LAT2: variants seen among roughly 807,000 people sequenced by gnomAD.
The protein encoded by LAT2 is linker for activation of T cells family member 2, also known as linker for activation of T-cells family member 2.
Under a neutral mutation model 43.4 loss-of-function variants are expected in LAT2, and 23 were observed. The observed-to-expected ratio is 0.53, with a 90% CI of 0.38 to 0.75. The LOEUF is 0.75. Ranked by LOEUF, LAT2 falls within the 30% of genes least tolerant of loss-of-function variation. The pLI is 0.00. For synonymous variants in LAT2, 128 were observed against 123.2 expected (o/e 1.04, Z -0.26); for missense variants, 284 against 310.2 (o/e 0.92, Z 0.64).
At chr7:74,211,260 GGAGACA>G (rs1401754139) in intron 1 of LAT2, among the ~76,000 whole-genome samples, 1 of 152,158 alleles carries the variant, frequency 6.6e-6, no homozygotes, top group African/African-American at 2.4e-5. Flanking sequence ...AGACACAAAG[GGAGACA>G]GAGACAGAGA....
intron 1 of LAT2, among the ~76,000 whole-genome samples, chr7:74,212,808 G>C (rs1474405145): frequency 2.0e-5 from 3 of 152,236 alleles, no homozygotes; most frequent in Non-Finnish European, 4.4e-5. Flanking sequence ...AGAGAGCAGA[G>C]CTTTCCTCGG....
At chr7:74,219,645 G>A in intron 4 of LAT2, 99 bp from the exon 5 acceptor site, 3 of 1,455,256 alleles carry the variant, frequency 2.1e-6, no homozygotes, top group Admixed American at 3.3e-5. Flanking sequence ...CCGTCCCTCT[G>A]CTTTCCCTCC....
intron 1 of LAT2, 110 bp from the exon 2 acceptor site, chr7:74,214,710 AAT>A (rs1165640318): frequency 4.0e-5 from 4 of 100,938 alleles, no homozygotes; most frequent in South Asian, 2.7e-4. Context: ...AATATATATA[AAT>A]ATATATAAAA....
chr7:74,216,425 GCAGTGATGCAATCTTGGCT>G (rs1330660448), intron 3 of LAT2, among the ~76,000 whole-genome samples: 1 of 152,118 alleles, frequency 6.6e-6, no homozygotes, highest in Non-Finnish European at 1.5e-5. Flanking sequence ...AGGCTGGAGG[GCAGTGATGCAATCTTGGCT>G]CACTGTAACA....
In LAT2 at chr7:74,223,706, C is replaced by A. The variant is rs781808700; in HGVS notation, c.389-18C>A. ...GGGTCTGCCCACACCCCCGTGCCCA[C>A]TCCTCTCTCTCCTGCAGATGATGAT... is the stretch of plus-strand genomic sequence containing the variant. On this transcript the variant is annotated intron_variant, in intron 10 of 13. Transcript: ENST00000460943. 2.4e-5 allele frequency: 38 copies of A among 1,612,426 alleles called. No individual in the cohort carries two copies. The highest frequency in any genetic ancestry group is 3.1e-5 in the Non-Finnish European group (37 of 1,178,538).
At chr7:74,212,128 A>T (rs1801754796) in intron 1 of LAT2, among the ~76,000 whole-genome samples, 1 of 151,798 alleles carries the variant, frequency 6.6e-6, no homozygotes, top group Admixed American at 6.6e-5. Flanking sequence ...ATTTTTTTGT[A>T]GAGACAGGGC....
In LAT2 at chr7:74,227,996, G is replaced by A. The variant is rs1455153122; in HGVS notation, c.*19-948G>A. On this transcript the variant is annotated intron_variant, in intron 13 of 13. Transcript: ENST00000460943. ...TTCGAGACCATCCTGGGCAACATGG[G>A]GAAACCCCATCTCTACTAAAAATAC... Among the ~76,000 whole-genome samples the A allele has an allele frequency of 4.9e-5, 7 of 143,872 alleles. No homozygotes were observed. In the East Asian group the frequency reaches 8.6e-4, roughly 18 times the overall value. 94.4% of individuals were successfully genotyped at this position (143,872 alleles called of 152,430 possible).
In LAT2 at chr7:74,221,618, T is replaced by C; in HGVS notation, c.333-19T>C. ...CCAGCCTGCCCTGAAACCTGTGTTG[T>C]ATATGTTTTCTTGGCCAGAGACCCC... On this transcript the variant is annotated intron_variant, in intron 9 of 13. Coordinates refer to ENST00000460943, the MANE Select transcript of LAT2 (RefSeq NM_032464.3). 6.2e-7 allele frequency: 1 copy of C among 1,609,366 alleles called. No homozygotes were observed. Among genetic ancestry groups the C allele is most frequent in the Admixed American group, 1.7e-5 (1 of 59,834 alleles).
chr7:74,224,403 T>C (rs116467219), intron 12 of LAT2, among the ~76,000 whole-genome samples: 5,125 of 152,254 alleles, frequency 0.034, 303 homozygotes, highest in African/African-American at 0.11. Flanking sequence ...GGTCAGGTCC[T>C]CCCGGGCAGG....
At position 74,220,442 on chromosome 7, in the gene LAT2, G is replaced by C; in HGVS notation, c.266-142G>C. The C allele has an allele frequency of 1.6e-6, 2 of 1,244,034 alleles. No individual in the cohort carries two copies. Among genetic ancestry groups the C allele is most frequent in the Admixed American group, 2.0e-5 (1 of 51,054 alleles). The allele number at this position is 1,244,034 out of a possible 1,614,324, so 77.1% of individuals were successfully genotyped here. On this transcript the variant is annotated intron_variant, in intron 7 of 13. Coordinates refer to ENST00000460943, the MANE Select transcript of LAT2 (RefSeq NM_032464.3). This position sits in a 1 kb window ranked among gnomAD's most constrained non-coding sequence, Gnocchi z 4.5. Reference sequence around the variant, plus strand: ...CCTGGCAGGGGGAGGGTGCACACTCGCACATGCCCCACTGAGGGGACAGGG... The same window carrying C: ...CCTGGCAGGGGGAGGGTGCACACTCCCACATGCCCCACTGAGGGGACAGGG...
rs546127636 is a variant in LAT2, at chr7:74,221,040, G to C, written c.332+306G>C. On this transcript the variant is annotated intron_variant, in intron 9 of 13. Transcript: ENST00000460943. Reference sequence around the variant, plus strand: ...TTCAGCATCACCCAGTCAAAGACAAGCTACAGGACACCCAGAATCCCTCGG... The same window carrying C: ...TTCAGCATCACCCAGTCAAAGACAACCTACAGGACACCCAGAATCCCTCGG... 2.6e-5 allele frequency among the ~76,000 whole-genome samples: 4 copies of C among 152,276 alleles called. No individual in the cohort carries two copies. The East Asian group carries it at 7.7e-4, about 29-fold the overall frequency.
In LAT2 at chr7:74,220,164, G is replaced by GA; in HGVS notation, c.228-53_228-52insA. 1 of 1,574,254 alleles carries GA rather than the reference G, an allele frequency of 6.4e-7. No homozygotes were observed. The highest frequency in any genetic ancestry group is 8.7e-7 in the Non-Finnish European group (1 of 1,155,554). On this transcript the variant is annotated intron_variant, in intron 6 of 13. Transcript: ENST00000460943. The surrounding 1 kb of genome is among the most constrained non-coding windows in gnomAD (Gnocchi z 4.5). Reference sequence around the variant, plus strand: ...GGGGTATGGGGGGATGTGTCCTGGGGGGCCTCTCCCCTACAGCCCCTCCTT... The same window carrying GA: ...GGGGTATGGGGGGATGTGTCCTGGGGAGGCCTCTCCCCTACAGCCCCTCCTT...
At chr7:74,224,925 T>G in intron 13 of LAT2, 165 bp downstream of exon 13, 1 of 541,868 alleles carries the variant, frequency 1.8e-6, no homozygotes, top group Non-Finnish European at 3.3e-6. Context: ...GGCGACTCTG[T>G]TCCTCTGTTC....
In LAT2 at chr7:74,216,067, C is replaced by T; in HGVS notation, c.92C>T (p.Pro31Leu). Residue 31 changes from proline to leucine, a missense_variant and splice_region_variant, in exon 3 of 14, where the codon CCA becomes CTA. Physicochemically the swap from Pro to Leu is moderately conservative, Grantham distance 98. Coordinates refer to ENST00000460943, the MANE Select transcript of LAT2 (RefSeq NM_032464.3). ...AASLCVRCSR[P>L]GAKRSEKIYQ... ...AGTCTGTGTGTGCGCTGCTCACGCC[C>T]AGGTAAGCGGGGGTCTCGGGGACGT... The T allele has an allele frequency of 6.2e-7, 1 of 1,608,708 alleles. No homozygotes were observed. The highest frequency in any genetic ancestry group is 8.5e-7 in the Non-Finnish European group (1 of 1,177,646).
rs1470426248 is a variant in LAT2 at position 74,220,103 on chromosome 7, C to T, written c.227+95C>T. 1.4e-5 allele frequency: 22 copies of T among 1,565,294 alleles called. No homozygotes were observed. The highest frequency in any genetic ancestry group is 1.7e-5 in the Non-Finnish European group (19 of 1,146,762). The stretch of plus-strand genomic sequence containing the variant: ...CAAGACCTCCCTCCCTCCCCGAGTC[C>T]CAGAGCTCCAGGGCTCAGCTATGAA... On this transcript the variant is annotated intron_variant, in intron 6 of 13. Coordinates refer to ENST00000460943, the MANE Select transcript of LAT2 (RefSeq NM_032464.3). This position sits in a 1 kb window ranked among gnomAD's most constrained non-coding sequence, Gnocchi z 4.5.
At chr7:74,222,471 C>T (rs916613359) in intron 10 of LAT2, among the ~76,000 whole-genome samples, 21 of 152,008 alleles carry the variant, frequency 1.4e-4, no homozygotes, top group African/African-American at 4.6e-4. Context: ...CTGAGAGGTG[C>T]ATGGGCCTGC....
chr7:74,211,434 C>T (rs1801733619), intron 1 of LAT2, among the ~76,000 whole-genome samples: 1 of 152,278 alleles, frequency 6.6e-6, no homozygotes, highest in East Asian at 1.9e-4. Context: ...CGTGCTACCA[C>T]ACCTGGCTAA....
chr7:74,220,690 G>T lies in LAT2; in HGVS notation c.302-14G>T. The stretch of plus-strand genomic sequence containing the variant: ...ACCCAGGGGCTCAGGCCCAATTCTC[G>T]CCTCCTCCCGCAGGAAGCAGACACG... On this transcript the variant is annotated splice_polypyrimidine_tract_variant and intron_variant, in intron 8 of 13. Transcript: ENST00000460943. This position sits in a 1 kb window ranked among gnomAD's most constrained non-coding sequence, Gnocchi z 4.5. The T allele has an allele frequency of 1.9e-6, 3 of 1,610,538 alleles. No homozygotes were observed. Among genetic ancestry groups the T allele is most frequent in the Non-Finnish European group, 2.5e-6 (3 of 1,177,200 alleles).
chr7:74,219,753 C>T lies in LAT2; in HGVS notation c.144C>T (p.Asp48=), dbSNP rs1554714782. 5 of 1,614,018 alleles carry T rather than the reference C, an allele frequency of 3.1e-6. No individual in the cohort carries two copies. Among genetic ancestry groups the T allele is most frequent in the Middle Eastern group, 1.6e-4 (1 of 6,084 alleles). ...KIYQQRSLRE[D]QQSFTGSRTY... is the part of the protein sequence containing the mutation. Reference sequence around the variant, plus strand: ...GCCCATGCATTTCCAGGCGTGAGGACCAACAGAGCTTTACGGGGTCCCGGA... The same window carrying T: ...GCCCATGCATTTCCAGGCGTGAGGATCAACAGAGCTTTACGGGGTCCCGGA... The change falls in exon 5 of 14, where the codon GAC becomes GAT. Residue 48 remains aspartate (D), a synonymous_variant. Transcript: ENST00000460943.
Sources: gnomAD v4.1 joint callset for allele counts (sites outside exome capture counted in the v4.1 genomes callset) on GRCh38, gnomAD v4.1.1 for gene constraint, Gnocchi (gnomAD v3.1) non-coding constraint, MANE v1.5 for transcripts, NCBI Gene and HGNC (gene_info 2026-07-23, HGNC 2026-07-21) for gene names.